The following SLC25A13 variants were observed in gnomAD, a reference collection of about 807,000 sequenced individuals.
SLC25A13 encodes solute carrier family 25 member 13, also known as electrogenic aspartate/glutamate antiporter SLC25A13, mitochondrial.
In SLC25A13, 70 loss-of-function variants were observed where a neutral mutation model predicts 85.5. That is an observed-to-expected ratio of 0.82 (90% CI 0.68 to 1.00). The LOEUF (loss-of-function observed/expected upper bound fraction) is 1.00, where lower values mean the gene tolerates loss of function less well. Among genes scored for constraint, SLC25A13 ranks in the 50% least tolerant of loss-of-function variants. SLC25A13 has a pLI of 0.00. For synonymous variants in SLC25A13, 259 were observed against 288.7 expected, an observed-to-expected ratio of 0.90 and a Z score of 1.04; for missense variants, 765 against 819.8, an observed-to-expected ratio of 0.93 and a Z score of 0.82.
At chr7:96,237,371 G>A (rs1796783002) in intron 3 of SLC25A13, among the ~76,000 whole-genome samples, 1 of 152,190 alleles carries the variant, frequency 6.6e-6, no homozygotes, top group Admixed American at 6.5e-5. Flanking sequence ...AAAACAAATG[G>A]ATGTGCTGTA....
intron 1 of SLC25A13, among the ~76,000 whole-genome samples, chr7:96,311,331 G>A (rs1308772395): frequency 6.6e-6 from 1 of 152,106 alleles, no homozygotes; most frequent in Non-Finnish European, 1.5e-5. Context: ...AATGTGATGG[G>A]AAGCTCTAAG....
chr7:96,205,369 G>A (rs962878223), intron 5 of SLC25A13, among the ~76,000 whole-genome samples: 1 of 152,184 alleles, frequency 6.6e-6, no homozygotes, highest in African/African-American at 2.4e-5. Flanking sequence ...ACGTGGAGAG[G>A]TTTACAGAAT....
chr7:96,180,021 A>G (rs1003553309), intron 11 of SLC25A13, among the ~76,000 whole-genome samples: 1 of 152,230 alleles, frequency 6.6e-6, no homozygotes, highest in Non-Finnish European at 1.5e-5. Context: ...AAAAGTATCA[A>G]TAACTCCCTG....
chr7:96,154,700 A>G (rs1471230649), intron 13 of SLC25A13, among the ~76,000 whole-genome samples: 2 of 151,942 alleles, frequency 1.3e-5, no homozygotes, highest in African/African-American at 2.4e-5. Flanking sequence ...CAACTCACAT[A>G]TCTGGTAACA....
Position 96,121,316 on chromosome 7 carries a change from C to T in SLC25A13, c.1903G>A (p.Asp635Asn). ...SRINLPAPNP[D>N]HVGGYKLAVA... ...GCCAGTTTGTAGCCCCCAACGTGAT[C>T]AGGATTCGGGGCAGGCAGGTTGATC... is the stretch of plus-strand genomic sequence containing the variant. Residue 635 changes from aspartate (D) to asparagine (N), a missense_variant, in exon 18 of 18, where the codon GAT (aspartate) becomes AAT (asparagine). Physicochemically the swap from Asp to Asn is conservative, Grantham distance 23 (BLOSUM62 1). Coordinates refer to ENST00000265631, the MANE Select transcript of SLC25A13 (RefSeq NM_014251.3). 1 of 1,614,170 alleles carries T rather than the reference C, an allele frequency of 6.2e-7. No individual in the cohort carries two copies. Among genetic ancestry groups the T allele is most frequent in the Non-Finnish European group, 8.5e-7 (1 of 1,180,016 alleles).
chr7:96,156,550 C>T (rs1316465777), intron 13 of SLC25A13, among the ~76,000 whole-genome samples: 1 of 152,146 alleles, frequency 6.6e-6, no homozygotes, highest in Non-Finnish European at 1.5e-5. Context: ...CTCCCAGGTT[C>T]ACAGCATTCT....
chr7:96,305,517 C>T (rs1799711487), intron 1 of SLC25A13, among the ~76,000 whole-genome samples: 1 of 152,154 alleles, frequency 6.6e-6, no homozygotes, highest in Non-Finnish European at 1.5e-5. Context: ...ATTGTAATTA[C>T]CACGCCCAAT....
intron 14 of SLC25A13, among the ~76,000 whole-genome samples, chr7:96,135,616 T>A (rs1466065772): frequency 6.6e-6 from 1 of 152,202 alleles, no homozygotes; most frequent in Non-Finnish European, 1.5e-5. Flanking sequence ...CAGCAAAACA[T>A]AAACCTGTTT....
chr7:96,235,838 C>T (rs1479393735), intron 3 of SLC25A13, among the ~76,000 whole-genome samples: 1 of 152,164 alleles, frequency 6.6e-6, no homozygotes, highest in Non-Finnish European at 1.5e-5. Flanking sequence ...TGGGTCAAAT[C>T]TAAGCTTTAG....
At chr7:96,166,857 C>T (rs546815649) in intron 13 of SLC25A13, 1 of 151,964 alleles carries the variant, frequency 6.6e-6, no homozygotes, top group Non-Finnish European at 1.5e-5. Flanking sequence ...TCTAAAGGTG[C>T]CAAGTTTTTG....
Position 96,131,829 on chromosome 7 carries a change from G to A in SLC25A13, c.1505C>T (p.Pro502Leu), listed in dbSNP as rs139149160. 8.0e-5 allele frequency: 129 copies of A among 1,613,930 alleles called. 1 individual carries two copies. The highest frequency in any genetic ancestry group is 2.2e-4 in the East Asian group (10 of 44,890). ...RDIPFSAIYF[P>L]CYAHVKASFA... Reference sequence around the variant, plus strand: ...GGAAGCCTTCACATGAGCATAGCACGGAAAGTAGATGGCCGAGAAAGGAAT... The same window carrying A: ...GGAAGCCTTCACATGAGCATAGCACAGAAAGTAGATGGCCGAGAAAGGAAT... The change falls in exon 15 of 18, where the codon CCG (proline) becomes CTG (leucine). Residue 502 changes from proline (P) to leucine (L), a missense_variant. Transcript: ENST00000265631.
At chr7:96,221,217 T>A (rs1292761937) in intron 4 of SLC25A13, among the ~76,000 whole-genome samples, 1 of 152,144 alleles carries the variant, frequency 6.6e-6, no homozygotes, top group African/African-American at 2.4e-5. Context: ...GTCTCTAGGA[T>A]CTCTGAAAAG....
At chr7:96,167,751 C>G (rs935327101) in intron 13 of SLC25A13, among the ~76,000 whole-genome samples, 1 of 152,094 alleles carries the variant, frequency 6.6e-6, no homozygotes, top group Admixed American at 6.5e-5. Flanking sequence ...GTGACTGACT[C>G]CAATTATAGA....
At chr7:96,178,078 T>C (rs1256529388) in intron 11 of SLC25A13, among the ~76,000 whole-genome samples, 1 of 152,004 alleles carries the variant, frequency 6.6e-6, no homozygotes, top group Admixed American at 6.5e-5. Flanking sequence ...ACATCATGCT[T>C]CCCCCGTCTC....
chr7:96,253,881 A>G (rs1347087390), intron 3 of SLC25A13, among the ~76,000 whole-genome samples: 1 of 152,242 alleles, frequency 6.6e-6, no homozygotes, highest in East Asian at 1.9e-4. Flanking sequence ...ATTGGAATAA[A>G]CTGGAAAAAT....
At chr7:96,308,210 G>A (rs1659163315) in intron 1 of SLC25A13, among the ~76,000 whole-genome samples, 1 of 150,054 alleles carries the variant, frequency 6.7e-6, no homozygotes, top group Admixed American at 6.6e-5. Flanking sequence ...ATGACCTCTT[G>A]TTTTCTCATC....
intron 3 of SLC25A13, among the ~76,000 whole-genome samples, chr7:96,244,219 C>G (rs1797097647): frequency 6.6e-6 from 1 of 152,142 alleles, no homozygotes; most frequent in African/African-American, 2.4e-5. Context: ...AGAGGAGGCC[C>G]AGTGGCCAGG....
chr7:96,150,068 T>C (rs1188522286), intron 13 of SLC25A13, among the ~76,000 whole-genome samples: 1 of 152,036 alleles, frequency 6.6e-6, no homozygotes, highest in Non-Finnish European at 1.5e-5. Context: ...ACTGGCTCAG[T>C]GTGGCATATT....
intron 3 of SLC25A13, among the ~76,000 whole-genome samples, chr7:96,260,240 T>C (rs972543263): frequency 6.6e-6 from 1 of 152,010 alleles, no homozygotes; most frequent in African/African-American, 2.4e-5. Flanking sequence ...GCAGAGCAAC[T>C]GATTCCAGGT....
Sources: gnomAD v4.1 joint callset for allele counts (sites outside exome capture counted in the v4.1 genomes callset) on GRCh38, gnomAD v4.1.1 for gene constraint, MANE v1.5 for transcripts, NCBI Gene and HGNC (gene_info 2026-07-23, HGNC 2026-07-21) for gene names.